Variants in THSD4 observed in about 807,000 individuals in gnomAD.
The protein encoded by THSD4 is thrombospondin type 1 domain containing 4, also known as thrombospondin type-1 domain-containing protein 4.
A neutral mutation model predicts 119.0 loss-of-function variants in THSD4; 69 were observed. That is an observed-to-expected ratio of 0.58 (90% CI 0.48 to 0.71). The LOEUF is 0.71. THSD4 is among the 30% of genes least tolerant of loss of function. THSD4 has a pLI of 0.00. For synonymous variants in THSD4, 524 were observed against 540.4 expected (o/e 0.97, Z 0.42); for missense variants, 1,393 against 1,391.1 (o/e 1.00, Z -0.02).
chr15:71,569,949 G>A lies in THSD4; in HGVS notation c.1153-90581G>A, dbSNP rs554986185. Reference sequence around the variant, plus strand: ...GCAGAGGTTGCAGTGAGCTGTGATCGCGCCACTGCATTCCAGCCTGGGCGA... The same window carrying A: ...GCAGAGGTTGCAGTGAGCTGTGATCACGCCACTGCATTCCAGCCTGGGCGA... On this transcript the variant is annotated intron_variant, in intron 7 of 17. Coordinates refer to ENST00000261862, the MANE Select transcript of THSD4 (RefSeq NM_024817.3). 3.9e-5 allele frequency among the ~76,000 whole-genome samples: 6 copies of A among 152,224 alleles called. No individual in the cohort carries two copies. The South Asian group carries it at 6.2e-4, about 16-fold the overall frequency.
chr15:71,410,587 A>G (rs1050604644), intron 6 of THSD4, among the ~76,000 whole-genome samples: 3 of 152,228 alleles, frequency 2.0e-5, no homozygotes, highest in African/African-American at 7.2e-5. Flanking sequence ...CGCTCTTGAA[A>G]GAGGTTTTAT....
intron 6 of THSD4, among the ~76,000 whole-genome samples, chr15:71,397,427 T>G (rs986134753): frequency 6.6e-6 from 1 of 152,218 alleles, no homozygotes; most frequent in Non-Finnish European, 1.5e-5. Flanking sequence ...CAATATGTAT[T>G]TGCTGAGTAA....
chr15:71,567,916 G>A (rs976989116), intron 7 of THSD4, among the ~76,000 whole-genome samples: 1 of 152,080 alleles, frequency 6.6e-6, no homozygotes, highest in African/African-American at 2.4e-5. Flanking sequence ...TGTTGGATAA[G>A]ACCTTAAGGG....
chr15:71,317,205 T>C (rs28546676), intron 6 of THSD4, among the ~76,000 whole-genome samples: 22,419 of 152,096 alleles, frequency 0.15, 1,720 homozygotes, highest in South Asian at 0.29. Context: ...AAGTGAGGAG[T>C]AGCCATAAAA....
At chr15:71,682,917 CTTCTTTTTT>C in intron 8 of THSD4, among the ~76,000 whole-genome samples, 1 of 44,586 alleles carries the variant, frequency 2.2e-5, no homozygotes, top group Non-Finnish European at 3.9e-5. Context: ...TCTTCTTCTT[CTTCTTTTTT>C]TTTTTTTTTT....
At chr15:71,206,186 A>G (rs2043842259) in intron 3 of THSD4, among the ~76,000 whole-genome samples, 1 of 152,062 alleles carries the variant, frequency 6.6e-6, no homozygotes, top group Non-Finnish European at 1.5e-5. Flanking sequence ...TAATTTTTGT[A>G]TTTTTAGCAG....
At chr15:71,410,153 G>A (rs1427335609) in intron 6 of THSD4, among the ~76,000 whole-genome samples, 2 of 152,124 alleles carry the variant, frequency 1.3e-5, no homozygotes, top group Non-Finnish European at 2.9e-5. Flanking sequence ...AGAAAGACAA[G>A]GGGGAGAAAA....
At chr15:71,227,690 C>T (rs1000454227) in intron 4 of THSD4, among the ~76,000 whole-genome samples, 8 of 152,176 alleles carry the variant, frequency 5.3e-5, no homozygotes, top group Non-Finnish European at 8.8e-5. Context: ...CAGGAAGGGA[C>T]GGAATGGGAT....
intron 8 of THSD4, among the ~76,000 whole-genome samples, chr15:71,691,721 G>A (rs1264184392): frequency 6.6e-6 from 1 of 152,200 alleles, no homozygotes; most frequent in African/African-American, 2.4e-5. Context: ...CCTGGGAAGT[G>A]TTTCTCTTTT....
chr15:71,469,163 G>A (rs1182531567), intron 7 of THSD4, among the ~76,000 whole-genome samples: 2 of 152,136 alleles, frequency 1.3e-5, no homozygotes, highest in South Asian at 2.1e-4. Flanking sequence ...TTGTTTGGGT[G>A]TTCTTCTCAA....
chr15:71,313,304 A>ATG (rs376107673), intron 6 of THSD4, among the ~76,000 whole-genome samples: 9 of 152,006 alleles, frequency 5.9e-5, no homozygotes, highest in African/African-American at 1.2e-4. Context: ...GTGCTCACAT[A>ATG]TGTGTGTGTG....
At chr15:71,319,610 G>A (rs959268363) in intron 6 of THSD4, among the ~76,000 whole-genome samples, 12 of 151,962 alleles carry the variant, frequency 7.9e-5, no homozygotes, top group Admixed American at 7.9e-4. Context: ...AGTATTCCAT[G>A]GTGTATATGT....
At chr15:71,100,990 AT>A (rs1452182425) in intron 1 of THSD4, among the ~76,000 whole-genome samples, 3 of 152,156 alleles carry the variant, frequency 2.0e-5, no homozygotes, top group Admixed American at 6.5e-5. Flanking sequence ...ACACAAAAAA[AT>A]AAATAAAAAT....
At chr15:71,352,341 A>G (rs1486332726) in intron 6 of THSD4, among the ~76,000 whole-genome samples, 1 of 152,218 alleles carries the variant, frequency 6.6e-6, no homozygotes, top group African/African-American at 2.4e-5. Flanking sequence ...GCCGGAGTTT[A>G]TCCAAAGCCC....
intron 7 of THSD4, among the ~76,000 whole-genome samples, chr15:71,523,898 T>G (rs992763140): frequency 6.6e-6 from 1 of 152,180 alleles, no homozygotes; most frequent in Admixed American, 6.5e-5. Flanking sequence ...GTTCTATACA[T>G]AAAGACATTT....
At chr15:71,114,054 C>T (rs566325580), upstream of THSD4, among the ~76,000 whole-genome samples, 1 of 152,172 alleles carries the variant, frequency 6.6e-6, no homozygotes, top group South Asian at 2.1e-4. Context: ...CACCAGGTGC[C>T]TCCCATCAAA....
chr15:71,286,145 A>C (rs2044715316), intron 6 of THSD4, among the ~76,000 whole-genome samples: 1 of 152,126 alleles, frequency 6.6e-6, no homozygotes, highest in Non-Finnish European at 1.5e-5. Flanking sequence ...GTTATCTGTT[A>C]TCAATTTTAT....
intron 14 of THSD4, 94 bp from the exon 15 acceptor site, chr15:71,757,808 A>G: frequency 6.6e-7 from 1 of 1,521,584 alleles, no homozygotes; most frequent in Non-Finnish European, 8.9e-7. Flanking sequence ...GACGGCAGGA[A>G]AATGAAGCAT....
At chr15:71,620,669 A>G (rs1366456883) in intron 7 of THSD4, among the ~76,000 whole-genome samples, 1 of 152,138 alleles carries the variant, frequency 6.6e-6, no homozygotes, top group Admixed American at 6.5e-5. Flanking sequence ...AGATCTATGT[A>G]CTCTGTGTAT....
Sources: allele counts gnomAD v4.1 joint callset (sites outside exome capture counted in the v4.1 genomes callset), GRCh38; gene constraint gnomAD v4.1.1; transcripts MANE v1.5; gene names NCBI Gene and HGNC (gene_info 2026-07-23, HGNC 2026-07-21).